Variants in PI4KA observed in about 807,000 individuals in gnomAD.
PI4KA encodes the protein PI4-kinase alpha.
In PI4KA, 122 loss-of-function variants were observed where a neutral mutation model predicts 271.4. The observed-to-expected ratio is 0.45, with a 90% CI of 0.39 to 0.52. The LOEUF is 0.52. Ranked by LOEUF, PI4KA falls within the 20% of genes least tolerant of loss-of-function variation. The probability of loss-of-function intolerance (pLI) is 0.00; values close to 1 mark genes in which losing one functional copy is unlikely to be tolerated. For synonymous variants in PI4KA, 1,041 were observed against 1,078.8 expected (o/e 0.96, Z 0.69); for missense variants, 1,969 against 2,769.1 (o/e 0.71, Z 6.48).
chr22:20,819,323 A>G (rs1922278082), intron 6 of PI4KA, among the ~76,000 whole-genome samples: 1 of 150,854 alleles, frequency 6.6e-6, no homozygotes, highest in South Asian at 2.1e-4. Context: ...TTTTTAACAC[A>G]GTGTTTATGG....
chr22:20,797,164 A>G (rs1389138949), intron 17 of PI4KA, among the ~76,000 whole-genome samples: 1 of 152,234 alleles, frequency 6.6e-6, no homozygotes, highest in Non-Finnish European at 1.5e-5. Context: ...CAGTTAAGTA[A>G]TACCTGGTAG....
chr22:20,810,020 C>T (rs1935902750), intron 9 of PI4KA, among the ~76,000 whole-genome samples: 1 of 152,106 alleles, frequency 6.6e-6, no homozygotes, highest in Non-Finnish European at 1.5e-5. Context: ...AGAAGGAACA[C>T]CAGGCTTCAA....
chr22:20,811,841 G>A (rs1353133095), intron 8 of PI4KA, among the ~76,000 whole-genome samples: 1 of 151,572 alleles, frequency 6.6e-6, no homozygotes, highest in Non-Finnish European at 1.5e-5. Flanking sequence ...GTGAAACCCT[G>A]TTTCTACTAA....
At chr22:20,788,195 AG>A (rs1184353908) in intron 19 of PI4KA, among the ~76,000 whole-genome samples, 2 of 152,202 alleles carry the variant, frequency 1.3e-5, no homozygotes, top group Non-Finnish European at 2.9e-5. Context: ...ACAGCCTGGC[AG>A]ATGAGGAAGA....
At chr22:20,762,220 G>A (rs997032960) in intron 22 of PI4KA, among the ~76,000 whole-genome samples, 1 of 152,222 alleles carries the variant, frequency 6.6e-6, no homozygotes, top group African/African-American at 2.4e-5. Context: ...GGCAGGCCAT[G>A]TCTTTTGGCC....
At chr22:20,710,909 A>G (rs1481552917) in intron 51 of PI4KA, 51 bp from the exon 52 acceptor site, 6 of 1,604,796 alleles carry the variant, frequency 3.7e-6, no homozygotes, top group Non-Finnish European at 4.3e-6. Context: ...CAGGGCGGGC[A>G]AGGACAAGTG....
chr22:20,747,046 T>C (rs750067929), intron 29 of PI4KA, among the ~76,000 whole-genome samples: 2 of 152,226 alleles, frequency 1.3e-5, no homozygotes, highest in Non-Finnish European at 2.9e-5. Context: ...CCCAGTCACA[T>C]GGCCAGGTGG....
At chr22:20,834,761 A>G (rs1924645948) in intron 2 of PI4KA, 106 bp from the exon 3 acceptor site, 3 of 677,318 alleles carry the variant, frequency 4.4e-6, no homozygotes, top group Non-Finnish European at 5.2e-6. Flanking sequence ...CATCCTAATC[A>G]TCTCAGAGAT....
intron 7 of PI4KA, among the ~76,000 whole-genome samples, chr22:20,815,822 G>C (rs1317093742): frequency 1.3e-5 from 2 of 152,176 alleles, no homozygotes; most frequent in Non-Finnish European, 2.9e-5. Flanking sequence ...CATGAAATAT[G>C]GGCTAAGTCC....
intron 19 of PI4KA, among the ~76,000 whole-genome samples, chr22:20,765,955 T>A (rs1932488159): frequency 1.3e-5 from 2 of 152,096 alleles, no homozygotes; most frequent in Admixed American, 1.3e-4. Flanking sequence ...TCCTGTCTAG[T>A]TTGGAGGCAG....
intron 39 of PI4KA, 88 bp from the exon 40 acceptor site, chr22:20,727,952 A>C: frequency 4.4e-6 from 4 of 904,664 alleles, no homozygotes; most frequent in Non-Finnish European, 7.1e-6. Context: ...GCCAGGGGGA[A>C]ACACTGAACT....
intron 16 of PI4KA, 132 bp from the exon 17 acceptor site, chr22:20,798,819 T>C (rs1455898943): frequency 4.4e-6 from 3 of 678,000 alleles, no homozygotes; most frequent in East Asian, 2.6e-5. Context: ...AGATCATCCA[T>C]TTCTAAAGCT....
intron 7 of PI4KA, among the ~76,000 whole-genome samples, chr22:20,817,886 AG>A (rs1435611303): frequency 1.3e-5 from 2 of 151,828 alleles, no homozygotes; most frequent in Admixed American, 6.6e-5. Context: ...GCACTCTGGA[AG>A]GAAGAAATGG....
intron 23 of PI4KA, among the ~76,000 whole-genome samples, chr22:20,759,617 G>A (rs867150790): frequency 2.0e-5 from 3 of 151,792 alleles, no homozygotes; most frequent in Admixed American, 1.3e-4. Flanking sequence ...CAAGGCTGGA[G>A]TACAGTTGCG....
chr22:20,838,361 TAACA>T (rs999566189), intron 2 of PI4KA, among the ~76,000 whole-genome samples: 3 of 152,106 alleles, frequency 2.0e-5, no homozygotes, highest in African/African-American at 7.2e-5. Flanking sequence ...TGGCACATAA[TAACA>T]AACAAACAAA....
chr22:20,763,327 G>A (rs1932194586), intron 22 of PI4KA, among the ~76,000 whole-genome samples: 1 of 152,022 alleles, frequency 6.6e-6, no homozygotes, highest in African/African-American at 2.4e-5. Flanking sequence ...GGTCAGACTG[G>A]TCTCGAACTC....
chr22:20,843,679 G>GC (rs1405948630), intron 1 of PI4KA, among the ~76,000 whole-genome samples: 2 of 152,134 alleles, frequency 1.3e-5, no homozygotes, highest in Non-Finnish European at 2.9e-5. Flanking sequence ...TCACTTTCAG[G>GC]CAGGCCATGT....
Position 20,833,657 on chromosome 22 carries a change from G to T in PI4KA, c.367+905C>A, listed in dbSNP as rs78143281. ...CCCAGACTAGTTTTGGTTTGTTTTT[G>T]TTTTTTTTTTTTTTTTTTTTTGAGA... On this transcript the variant is annotated intron_variant, in intron 3 of 54. Transcript: ENST00000255882. Among the ~76,000 whole-genome samples, 274 of 72,948 alleles carry T rather than the reference G, an allele frequency of 3.8e-3. 6 individuals carry two copies. Among genetic ancestry groups the T allele is most frequent in the Middle Eastern group, 7.9e-3 (1 of 126 alleles). The allele number at this position is 72,948 out of a possible 152,430, so 47.9% of individuals were successfully genotyped here.
At position 20,813,479 on chromosome 22, in the gene PI4KA, A is replaced by T; in HGVS notation, c.884T>A (p.Leu295Gln). ...GGTTGAAAAGTAGTACTCAGGCTCT[A>T]GGGCAGTCCCATCGGGCAAGCAGGA... ...EASCLPDGTALEPEYYFSTIS... is the reference protein window; with the variant it reads ...EASCLPDGTAQEPEYYFSTIS... The change falls in exon 8 of 55, where the codon CTA becomes CAA. Residue 295 changes from leucine (L) to glutamine (Q), a missense_variant. Coordinates refer to ENST00000255882, the MANE Select transcript of PI4KA (RefSeq NM_058004.4). The T allele has an allele frequency of 6.2e-7, 1 of 1,614,078 alleles. No individual in the cohort carries two copies. The highest frequency in any genetic ancestry group is 8.5e-7 in the Non-Finnish European group (1 of 1,179,964).
Sources: allele counts gnomAD v4.1 joint callset (sites outside exome capture counted in the v4.1 genomes callset), GRCh38; gene constraint gnomAD v4.1.1; transcripts MANE v1.5; gene names NCBI Gene and HGNC (gene_info 2026-07-23, HGNC 2026-07-21).